Variants in PXDNL observed in about 807,000 individuals in gnomAD.
PXDNL encodes the protein probable oxidoreductase PXDNL.
In PXDNL, 145 loss-of-function variants were observed where a neutral mutation model predicts 150.8. That is an observed-to-expected ratio of 0.96 (90% CI 0.84 to 1.10). The LOEUF (loss-of-function observed/expected upper bound fraction) is 1.10. PXDNL is among the 50% of genes least tolerant of loss of function. The probability of loss-of-function intolerance (pLI) is 0.00; values close to 1 mark genes in which losing one functional copy is unlikely to be tolerated. For synonymous variants in PXDNL, 757 were observed against 725.7 expected (o/e 1.04, Z -0.69); for missense variants, 2,087 against 1,873.9 (o/e 1.11, Z -2.10).
rs925752703 is a variant in PXDNL at position 51,563,545 on chromosome 8, T to C, written c.309-6634A>G. ...ATTCAATCCATAACAGTATTTTAGA[T>C]TGAATAGAGAGAAAAGAATGAGTAA... On this transcript the variant is annotated intron_variant, in intron 3 of 22. Coordinates refer to ENST00000356297, the MANE Select transcript of PXDNL (RefSeq NM_144651.5). Among the ~76,000 whole-genome samples the C allele has an allele frequency of 3.9e-5, 6 of 152,040 alleles. No homozygotes were observed. In the East Asian group the frequency reaches 9.7e-4, roughly 25 times the overall value.
chr8:51,726,109 TGCA>T (rs2130925268), intron 1 of PXDNL, among the ~76,000 whole-genome samples: 1 of 152,328 alleles, frequency 6.6e-6, no homozygotes, highest in South Asian at 2.1e-4. Context: ...CAGAAAGAAA[TGCA>T]GCGTTTTTTG....
chr8:51,468,797 C>T (rs1041299739), intron 8 of PXDNL, among the ~76,000 whole-genome samples: 5 of 152,062 alleles, frequency 3.3e-5, no homozygotes, highest in South Asian at 4.1e-4. Flanking sequence ...CAGTATCACT[C>T]TTCACCTCAA....
rs564187874 is a variant in PXDNL at position 51,551,531 on chromosome 8, C to T, written c.380+5309G>A. 5.3e-5 allele frequency among the ~76,000 whole-genome samples: 8 copies of T among 152,224 alleles called. No homozygotes were observed. In the East Asian group the frequency reaches 1.5e-3, roughly 29 times the overall value. ...ACTCAGAAATAAAGCCAAATACTTA[C>T]AGCCAACTGATCTTTGGCAAAGCAA... On this transcript the variant is annotated intron_variant, in intron 4 of 22. Transcript: ENST00000356297.
At chr8:51,781,189 G>T (rs2037411593) in intron 1 of PXDNL, among the ~76,000 whole-genome samples, 1 of 152,150 alleles carries the variant, frequency 6.6e-6, no homozygotes, top group Non-Finnish European at 1.5e-5. Context: ...GTGGAAAGGA[G>T]ACCTCTATAA....
At chr8:51,492,494 C>T (rs931718688) in intron 5 of PXDNL, among the ~76,000 whole-genome samples, 3 of 152,134 alleles carry the variant, frequency 2.0e-5, no homozygotes, top group Non-Finnish European at 2.9e-5. Context: ...CATCACCTCA[C>T]CCAGAAAGCT....
intron 1 of PXDNL, among the ~76,000 whole-genome samples, chr8:51,662,276 T>G (rs369701905): frequency 2.6e-4 from 39 of 152,266 alleles, no homozygotes; most frequent in Middle Eastern, 3.4e-3. Flanking sequence ...TCCCAGCACT[T>G]TGGGAGGCTG....
chr8:51,354,049 A>C (rs1383730420), intron 19 of PXDNL, among the ~76,000 whole-genome samples: 1 of 152,110 alleles, frequency 6.6e-6, no homozygotes, highest in African/African-American at 2.4e-5. Context: ...TTTGGGTCTT[A>C]TGAGGATTTT....
chr8:51,666,147 T>C (rs757950116), intron 1 of PXDNL, among the ~76,000 whole-genome samples: 3 of 152,246 alleles, frequency 2.0e-5, no homozygotes, highest in African/African-American at 7.2e-5. Context: ...GAACTCTTGA[T>C]GCATAGTCAG....
chr8:51,579,824 C>G (rs904561149), intron 3 of PXDNL, among the ~76,000 whole-genome samples: 1 of 151,750 alleles, frequency 6.6e-6, no homozygotes, highest in African/African-American at 2.4e-5. Flanking sequence ...TACGCAAAAA[C>G]CAGGATGACT....
chr8:51,453,018 G>A (rs1809844456), intron 10 of PXDNL, among the ~76,000 whole-genome samples: 1 of 151,898 alleles, frequency 6.6e-6, no homozygotes, highest in Non-Finnish European at 1.5e-5. Context: ...AAAGAAGAAT[G>A]TGCCTTCTTT....
intron 1 of PXDNL, among the ~76,000 whole-genome samples, chr8:51,713,667 T>C (rs1282902022): frequency 6.6e-6 from 1 of 152,262 alleles, no homozygotes; most frequent in African/African-American, 2.4e-5. Context: ...ACAAGCTTTA[T>C]CCTTTTGTAA....
chr8:51,366,643 G>C (rs570127467), intron 19 of PXDNL, among the ~76,000 whole-genome samples: 3 of 152,032 alleles, frequency 2.0e-5, no homozygotes, highest in African/African-American at 7.2e-5. Context: ...GAAGAGGGAA[G>C]CTCTAAATAA....
At chr8:51,744,565 A>G (rs2036954320) in intron 1 of PXDNL, among the ~76,000 whole-genome samples, 4 of 147,620 alleles carry the variant, frequency 2.7e-5, no homozygotes, top group Non-Finnish European at 6.0e-5. Context: ...AGTCCCAGCT[A>G]CTCAGGAGGC....
chr8:51,327,787 C>A (rs932131919), intron 21 of PXDNL, among the ~76,000 whole-genome samples: 1 of 152,182 alleles, frequency 6.6e-6, no homozygotes, highest in Non-Finnish European at 1.5e-5. Flanking sequence ...CACTCCCATC[C>A]TCACGACAAG....
intron 8 of PXDNL, among the ~76,000 whole-genome samples, chr8:51,462,608 A>G (rs914630518): frequency 6.6e-6 from 1 of 152,220 alleles, no homozygotes; most frequent in Non-Finnish European, 1.5e-5. Context: ...AGAAAAAAGA[A>G]TTAAAAAGAA....
intron 1 of PXDNL, among the ~76,000 whole-genome samples, chr8:51,793,887 TCAA>T (rs555226011): frequency 7.9e-5 from 12 of 151,118 alleles, no homozygotes; most frequent in Middle Eastern, 3.4e-3. Flanking sequence ...CAAGACTCTG[TCAA>T]CAACAACAAC....
At chr8:51,361,949 A>AAAAAAAAAAAAAAAAAAAAAAAAAAAG (rs1806760699) in intron 19 of PXDNL, among the ~76,000 whole-genome samples, 1 of 143,846 alleles carries the variant, frequency 7.0e-6, no homozygotes, top group African/African-American at 2.8e-5. Flanking sequence ...AAAAAAAAAA[A>AAAAAAAAAAAAAAAAAAAAAAAAAAAG]AAAAAAAAAA....
chr8:51,376,494 A>AT (rs368462649), intron 17 of PXDNL, among the ~76,000 whole-genome samples: 26 of 151,776 alleles, frequency 1.7e-4, no homozygotes, highest in African/African-American at 2.9e-4. Flanking sequence ...TTTCTGAGAG[A>AT]TTTTTCCTCT....
intron 21 of PXDNL, among the ~76,000 whole-genome samples, chr8:51,332,205 T>C (rs1323977679): frequency 2.0e-5 from 3 of 151,382 alleles, no homozygotes; most frequent in Admixed American, 6.6e-5. Context: ...ACTCGCTGGA[T>C]GGCTAGACCC....
Sources: gnomAD v4.1 joint callset for allele counts (sites outside exome capture counted in the v4.1 genomes callset) on GRCh38, gnomAD v4.1.1 for gene constraint, MANE v1.5 for transcripts, NCBI Gene and HGNC (gene_info 2026-07-23, HGNC 2026-07-21) for gene names.